The following CASK variants were observed in gnomAD, a reference collection of about 807,000 sequenced individuals.
The protein encoded by CASK is calcium/calmodulin dependent serine protein kinase.
In CASK, 4 loss-of-function variants were observed where a neutral mutation model predicts 82.9. The ratio of observed to expected loss-of-function variants is 0.05; its 90% CI spans 0.02 to 0.11. The LOEUF (loss-of-function observed/expected upper bound fraction) is 0.11. CASK is among the 10% of genes least tolerant of loss of function. The probability of loss-of-function intolerance (pLI) is 1.00; values close to 1 mark genes in which losing one functional copy is unlikely to be tolerated. For missense variants in CASK, 358 were observed against 720.9 expected, an observed-to-expected ratio of 0.50 and a Z score of 5.76; for synonymous variants, 259 against 253.5, an observed-to-expected ratio of 1.02 and a Z score of -0.20.
intron 2 of CASK, among the ~76,000 whole-genome samples, chrX:41,810,020 G>A (rs985727729): frequency 8.9e-5 from 10 of 111,944 alleles, no homozygotes; most frequent in East Asian, 5.6e-4. Context: ...GAAATGAAGC[G>A]AGAAGAGAAG....
At chrX:41,858,730 T>C (rs2071420318) in intron 1 of CASK, among the ~76,000 whole-genome samples, 1 of 111,864 alleles carries the variant, frequency 8.9e-6, no homozygotes, top group Non-Finnish European at 1.9e-5. Context: ...AGTAGTAATA[T>C]TGTCCTTTCT....
intron 1 of CASK, among the ~76,000 whole-genome samples, chrX:41,875,739 A>C (rs1207330759): frequency 8.9e-6 from 1 of 111,797 alleles, no homozygotes; most frequent in Non-Finnish European, 1.9e-5. Context: ...AAGAAGACTT[A>C]AAATAGTGGA....
In CASK at chrX:41,844,437, T is replaced by C. The variant is rs183131880; in HGVS notation, c.172+8678A>G. Among the ~76,000 whole-genome samples, 24 of 111,878 alleles carry C rather than the reference T, an allele frequency of 2.1e-4. No individual in the cohort carries two copies. In the East Asian group the frequency reaches 5.9e-3, roughly 27 times the overall value. On this transcript the variant is annotated intron_variant, in intron 2 of 26. Coordinates refer to ENST00000378163, the MANE Select transcript of CASK (RefSeq NM_001367721.1). ...CTATTTCTTCTTGAGTCAGTTTTGG[T>C]AGTTTGCCTCTTTCTAGGAATTAGC...
At chrX:41,777,369 G>A (rs1486108693) in intron 3 of CASK, among the ~76,000 whole-genome samples, 1 of 109,909 alleles carries the variant, frequency 9.1e-6, no homozygotes. Context: ...GTGCATGCCT[G>A]TAGTCCCAGC....
At chrX:41,824,026 C>G (rs1312495226) in intron 2 of CASK, among the ~76,000 whole-genome samples, 1 of 111,689 alleles carries the variant, frequency 9.0e-6, no homozygotes, top group South Asian at 3.7e-4. Context: ...TACTGAGATG[C>G]AAGATGTCAA....
Position 41,757,606 on chromosome X carries a change from T to C in CASK, c.279-12005A>G, listed in dbSNP as rs145040615. The stretch of plus-strand genomic sequence containing the variant: ...GTGCAGTGGTACAATCATAGCTCAC[T>C]GTAACCTTGAAGTCCCAGGCTCAAG... On this transcript the variant is annotated intron_variant, in intron 3 of 26. Coordinates refer to ENST00000378163, the MANE Select transcript of CASK (RefSeq NM_001367721.1). 9.0e-4 allele frequency among the ~76,000 whole-genome samples: 101 copies of C among 112,575 alleles called. 1 individual carries two copies. Among genetic ancestry groups the C allele is most frequent in the African/African-American group, 3.1e-3 (97 of 31,054 alleles).
intron 1 of CASK, among the ~76,000 whole-genome samples, chrX:41,913,893 G>A (rs2072627270): frequency 8.9e-6 from 1 of 111,899 alleles, no homozygotes; most frequent in Non-Finnish European, 1.9e-5. Context: ...AAGCCACAGA[G>A]CAACCGCATT....
intron 11 of CASK, among the ~76,000 whole-genome samples, chrX:41,613,203 G>A (rs1433648571): frequency 8.9e-6 from 1 of 111,839 alleles, no homozygotes; most frequent in East Asian, 2.8e-4. Context: ...GGGAAAGGTG[G>A]GGAAAAGATT....
At chrX:41,609,637 G>A (rs187891158) in intron 12 of CASK, among the ~76,000 whole-genome samples, 39 of 106,887 alleles carry the variant, frequency 3.6e-4, no homozygotes, top group South Asian at 8.5e-4. Flanking sequence ...TGCAGCCTCC[G>A]CCTCCCGGGT....
intron 5 of CASK, among the ~76,000 whole-genome samples, chrX:41,692,826 G>C (rs781103625): frequency 3.3e-4 from 37 of 111,846 alleles, no homozygotes; most frequent in African/African-American, 1.1e-3. Context: ...ACTAAAGATG[G>C]GTTTTTCGTT....
chrX:41,832,278 G>A (rs1374686340), intron 2 of CASK, among the ~76,000 whole-genome samples: 3 of 111,781 alleles, frequency 2.7e-5, no homozygotes. Flanking sequence ...TGTCTCTTCA[G>A]GGGTCCTTGG....
intron 11 of CASK, among the ~76,000 whole-genome samples, chrX:41,613,014 G>A (rs1169313726): frequency 9.6e-6 from 1 of 104,710 alleles, no homozygotes; most frequent in Non-Finnish European, 2.0e-5. Context: ...AGGTGGGGGG[G>A]TCAGCCCCCC....
intron 5 of CASK, 88 bp downstream of exon 5, chrX:41,739,296 T>C (rs2068556825): frequency 4.8e-6 from 3 of 631,391 alleles, no homozygotes; most frequent in Non-Finnish European, 7.9e-6. Context: ...ATGTTCTTTA[T>C]GACAATATTA....
intron 25 of CASK, among the ~76,000 whole-genome samples, chrX:41,527,377 A>G (rs747855931): frequency 4.5e-5 from 5 of 112,172 alleles, no homozygotes; most frequent in Non-Finnish European, 3.8e-5. Context: ...AAGTAACATT[A>G]ATCTAACATT....
rs1005207696 is a variant in CASK, at chrX:41,819,895, C to T, written c.173-32612G>A. Among the ~76,000 whole-genome samples the T allele has an allele frequency of 7.2e-5, 8 of 111,486 alleles. No individual in the cohort carries two copies. In the Admixed American group the frequency reaches 7.6e-4, roughly 11 times the overall value. The stretch of plus-strand genomic sequence containing the variant: ...ACACTTATCCATAATAAAAATTCAA[C>T]AAATTAGGACGATAAAACAAATTCT... On this transcript the variant is annotated intron_variant, in intron 2 of 26. Transcript: ENST00000378163.
intron 8 of CASK, among the ~76,000 whole-genome samples, chrX:41,642,845 T>G (rs981553034): frequency 8.9e-6 from 1 of 112,264 alleles, no homozygotes; most frequent in Non-Finnish European, 1.9e-5. Flanking sequence ...TGAATGGTAC[T>G]GTCTAGGCTT....
intron 7 of CASK, 120 bp downstream of exon 7, chrX:41,665,157 C>A: frequency 1.7e-6 from 1 of 603,414 alleles, no homozygotes; most frequent in South Asian, 2.6e-5. Context: ...AAGACCTTTT[C>A]TCTGATGGGG....
chrX:41,740,016 T>C (rs1052037392), intron 4 of CASK, among the ~76,000 whole-genome samples: 3 of 112,486 alleles, frequency 2.7e-5, no homozygotes, highest in Non-Finnish European at 5.6e-5. Context: ...GAGTTAATTC[T>C]AGGCACATGT....
intron 5 of CASK, among the ~76,000 whole-genome samples, chrX:41,681,638 G>A: frequency 9.0e-6 from 1 of 111,410 alleles, no homozygotes; most frequent in Non-Finnish European, 1.9e-5. Flanking sequence ...TCCATAAAAA[G>A]TGCCATTGGT....
Sources: allele counts gnomAD v4.1 joint callset (sites outside exome capture counted in the v4.1 genomes callset), GRCh38; gene constraint gnomAD v4.1.1; transcripts MANE v1.5; gene names NCBI Gene and HGNC (gene_info 2026-07-23, HGNC 2026-07-21).